Variants in ULK4 observed in about 807,000 individuals in gnomAD.
ULK4 encodes unc-51 like kinase 4.
ULK4 carries 133 observed loss-of-function variants against 160.6 expected under a neutral mutation model. The observed-to-expected ratio is 0.83, with a 90% CI of 0.72 to 0.96. The LOEUF (loss-of-function observed/expected upper bound fraction) is 0.96. Ranked by LOEUF, ULK4 falls within the 40% of genes least tolerant of loss-of-function variation. The pLI is 0.00. For missense variants in ULK4, 1,580 were observed against 1,499.5 expected (o/e 1.05, Z -0.89); for synonymous variants, 534 against 539.8 (o/e 0.99, Z 0.15).
chr3:41,528,601 G>A (rs915435369), intron 32 of ULK4, among the ~76,000 whole-genome samples: 3 of 152,154 alleles, frequency 2.0e-5, no homozygotes, highest in African/African-American at 7.2e-5. Flanking sequence ...ATTAAGCACA[G>A]TAAATTGTTG....
chr3:41,857,395 A>G (rs2125679978), intron 17 of ULK4, among the ~76,000 whole-genome samples: 1 of 152,254 alleles, frequency 6.6e-6, no homozygotes, highest in South Asian at 2.1e-4. Flanking sequence ...ATACTAGCCC[A>G]TAGTTTTCTT....
intron 35 of ULK4, among the ~76,000 whole-genome samples, chr3:41,364,552 G>A (rs1361493605): frequency 2.6e-5 from 4 of 151,920 alleles, no homozygotes; most frequent in East Asian, 1.9e-4. Flanking sequence ...GCTGCTCAAA[G>A]TCTCTCCATT....
chr3:41,594,189 C>T (rs565435741), intron 31 of ULK4, among the ~76,000 whole-genome samples: 2 of 152,220 alleles, frequency 1.3e-5, no homozygotes, highest in African/African-American at 4.8e-5. Flanking sequence ...TTCATGCAAA[C>T]CATCAGAAAA....
At chr3:41,793,004 C>G (rs1293990509) in intron 20 of ULK4, among the ~76,000 whole-genome samples, 1 of 152,174 alleles carries the variant, frequency 6.6e-6, no homozygotes, top group Admixed American at 6.5e-5. Context: ...AAAACCACAT[C>G]TCTACTAAAA....
chr3:41,358,240 A>G (rs2125769573), intron 35 of ULK4, among the ~76,000 whole-genome samples: 1 of 152,334 alleles, frequency 6.6e-6, no homozygotes, highest in East Asian at 1.9e-4. Context: ...AAAACTACTC[A>G]TTTATTTAAA....
At position 41,534,875 on chromosome 3, in the gene ULK4, G is replaced by A. The variant is rs2086443983; in HGVS notation, c.3226+31150C>T. ...TGAGAAAAGTTAATTGACACAGTAA[G>A]GTTTATTATAATTTTTAGATTAAAT... On this transcript the variant is annotated intron_variant, in intron 32 of 36. Coordinates refer to ENST00000301831, the MANE Select transcript of ULK4 (RefSeq NM_017886.4). 2.6e-5 allele frequency among the ~76,000 whole-genome samples: 4 copies of A among 151,974 alleles called. No homozygotes were observed. The South Asian group carries it at 8.3e-4, about 32-fold the overall frequency.
At chr3:41,266,512 C>G (rs374241106) in intron 35 of ULK4, among the ~76,000 whole-genome samples, 1 of 152,126 alleles carries the variant, frequency 6.6e-6, no homozygotes, top group South Asian at 2.1e-4. Flanking sequence ...GGTGAGCTAC[C>G]ACGGGGGAAT....
At chr3:41,509,567 G>C (rs547254716) in intron 32 of ULK4, among the ~76,000 whole-genome samples, 1 of 152,322 alleles carries the variant, frequency 6.6e-6, no homozygotes, top group Admixed American at 6.5e-5. Context: ...CTTAAGAGCT[G>C]TGAGGTAAAA....
At chr3:41,840,388 C>G (rs1475004383) in intron 17 of ULK4, among the ~76,000 whole-genome samples, 17 of 152,216 alleles carry the variant, frequency 1.1e-4, no homozygotes, top group East Asian at 1.9e-4. Flanking sequence ...TCCCTCTCCC[C>G]CTTTCTTTCT....
chr3:41,758,937 C>G (rs1471712608), intron 21 of ULK4, among the ~76,000 whole-genome samples: 1 of 151,400 alleles, frequency 6.6e-6, no homozygotes, highest in Non-Finnish European at 1.5e-5. Flanking sequence ...AACCACATAG[C>G]CATATCAATT....
In ULK4 at chr3:41,919,721, A is replaced by C; in HGVS notation, c.639T>G (p.Phe213Leu). Residue 213 changes from phenylalanine (F) to leucine (L), a missense_variant, in exon 6 of 37, where the codon TTT (phenylalanine) becomes TTG (leucine). By Grantham distance (22) the Phe-to-Leu change is conservative. Coordinates refer to ENST00000301831, the MANE Select transcript of ULK4 (RefSeq NM_017886.4). ...WSLGCLLYEM[F>L]SGKPPFFSES... ...ACCTATTCAGGAAACAATTACCTGA[A>C]AACATTTCATAAAGCAGACAGCCCA... 1 of 1,613,844 alleles carries C rather than the reference A, an allele frequency of 6.2e-7. No individual in the cohort carries two copies. The highest frequency in any genetic ancestry group is 2.2e-5 in the East Asian group (1 of 44,886).
intron 29 of ULK4, among the ~76,000 whole-genome samples, chr3:41,665,634 G>GA (rs1438902094): frequency 1.3e-5 from 2 of 151,892 alleles, no homozygotes; most frequent in Admixed American, 6.6e-5. Context: ...TTTCAAGAAT[G>GA]AAAAAAATCA....
intron 22 of ULK4, among the ~76,000 whole-genome samples, chr3:41,727,307 T>C (rs1343027224): frequency 6.6e-6 from 1 of 152,208 alleles, no homozygotes; most frequent in Non-Finnish European, 1.5e-5. Context: ...CCGTGTCTAC[T>C]ATGTGCTAAG....
intron 34 of ULK4, among the ~76,000 whole-genome samples, chr3:41,401,729 C>T (rs973008785): frequency 7.9e-5 from 12 of 152,112 alleles, no homozygotes; most frequent in Admixed American, 7.2e-4. Context: ...TACTTCCACC[C>T]CAATTTCTCA....
intron 35 of ULK4, among the ~76,000 whole-genome samples, chr3:41,257,572 T>A (rs1393689181): frequency 6.6e-6 from 1 of 151,166 alleles, no homozygotes; most frequent in African/African-American, 2.4e-5. Context: ...GGTCAAGGCT[T>A]CAGTGAGCCA....
At chr3:41,888,722 T>C (rs1276645080) in intron 16 of ULK4, among the ~76,000 whole-genome samples, 1 of 152,066 alleles carries the variant, frequency 6.6e-6, no homozygotes, top group Non-Finnish European at 1.5e-5. Flanking sequence ...GGGACATAGG[T>C]GTGGATGTGG....
chr3:41,934,016 C>T (rs1198367391), intron 4 of ULK4, among the ~76,000 whole-genome samples: 1 of 151,722 alleles, frequency 6.6e-6, no homozygotes, highest in Admixed American at 6.6e-5. Flanking sequence ...CCAGCCTGGG[C>T]AACAGAGTGA....
chr3:41,251,799 T>C (rs576779557), intron 35 of ULK4, among the ~76,000 whole-genome samples: 42 of 152,328 alleles, frequency 2.8e-4, no homozygotes, highest in Non-Finnish European at 5.6e-4. Context: ...GGATGTTGCA[T>C]AATCATGGAA....
At chr3:41,629,284 C>T (rs2033654793) in intron 30 of ULK4, among the ~76,000 whole-genome samples, 1 of 152,072 alleles carries the variant, frequency 6.6e-6, no homozygotes, top group African/African-American at 2.4e-5. Flanking sequence ...CTGAAGGTTT[C>T]CTCACTCACA....
Sources: gnomAD v4.1 joint callset for allele counts (sites outside exome capture counted in the v4.1 genomes callset) on GRCh38, gnomAD v4.1.1 for gene constraint, MANE v1.5 for transcripts, NCBI Gene and HGNC (gene_info 2026-07-23, HGNC 2026-07-21) for gene names.